The following KIF1A variants were observed in gnomAD, a reference collection of about 807,000 sequenced individuals.
The protein encoded by KIF1A is kinesin family member 1A, also known as kinesin-like protein KIF1A.
KIF1A carries 46 observed loss-of-function variants against 227.3 expected under a neutral mutation model. That is an observed-to-expected ratio of 0.20 (90% CI 0.16 to 0.26). The LOEUF is 0.26. Among genes scored for constraint, KIF1A ranks in the 10% least tolerant of loss-of-function variants. The pLI, the probability that KIF1A is intolerant of heterozygous loss-of-function variation, is 1.00. For missense variants in KIF1A, 1,683 were observed against 2,485.9 expected (o/e 0.68, Z 6.87); for synonymous variants, 1,022 against 1,012.8 (o/e 1.01, Z -0.17).
Position 240,745,885 on chromosome 2 carries a change from A to T in KIF1A, c.3227T>A (p.Leu1076Gln). 1.2e-6 allele frequency: 2 copies of T among 1,607,818 alleles called. No homozygotes were observed. The highest frequency in any genetic ancestry group is 1.7e-6 in the Non-Finnish European group (2 of 1,176,166). The change falls in exon 31 of 49, where the codon CTA becomes CAA. Residue 1076 changes from leucine to glutamine, a missense_variant. Coordinates refer to ENST00000498729, the MANE Select transcript of KIF1A (RefSeq NM_001244008.2). ...CSAVPPEGLL[L>Q]DSSEKAALDG... ...CAGGGCGGCTTTCTCAGAGCTGTCT[A>T]GGAGGAGGCCTTCTGGGGGCACTGC...
intron 1 of KIF1A, among the ~76,000 whole-genome samples, chr2:240,802,245 AT>A (rs2057039485): frequency 6.6e-6 from 1 of 152,214 alleles, no homozygotes; most frequent in African/African-American, 2.4e-5. Flanking sequence ...TTTATATTCG[AT>A]TGTCAAGGAT....
chr2:240,815,035 G>T (rs1007439695), intron 1 of KIF1A, among the ~76,000 whole-genome samples: 7 of 152,234 alleles, frequency 4.6e-5, no homozygotes, highest in African/African-American at 7.2e-5. Context: ...TGCTCCTCTG[G>T]TCTGCGCCTA....
chr2:240,756,578 C>T (rs1209241980), intron 27 of KIF1A, among the ~76,000 whole-genome samples: 1 of 152,260 alleles, frequency 6.6e-6, no homozygotes, highest in Non-Finnish European at 1.5e-5. Flanking sequence ...GGGCATTGGG[C>T]CACATGCCGC....
chr2:240,806,517 C>T (rs1299862312), intron 1 of KIF1A, among the ~76,000 whole-genome samples: 1 of 152,178 alleles, frequency 6.6e-6, no homozygotes, highest in Non-Finnish European at 1.5e-5. Context: ...CTAAACTATT[C>T]CTGCAGGTGG....
intron 45 of KIF1A, chr2:240,720,156 C>G: frequency 2.4e-6 from 1 of 422,514 alleles, no homozygotes; most frequent in South Asian, 5.9e-5. Context: ...CCCCCAGGAA[C>G]CTCGGGGCCC....
rs1398284239 is a variant in KIF1A, at chr2:240,725,497, C to T, written c.4123-93G>A. 1.1e-5 allele frequency: 16 copies of T among 1,423,282 alleles called. No individual in the cohort carries two copies. The highest frequency in any genetic ancestry group is 2.0e-4 in the Middle Eastern group (1 of 5,106). 88.2% of individuals were successfully genotyped at this position (1,423,282 alleles called of 1,614,324 possible). A position where few individuals can be genotyped will look rare whatever the true frequency, so the allele number is the denominator to read the frequency against. On this transcript the variant is annotated intron_variant, in intron 39 of 48. Transcript: ENST00000498729. The surrounding 1 kb of genome is among the most constrained non-coding windows in gnomAD (Gnocchi z 5.8). ...CTCCTGGGGGCACAATGCCCAGCACCGACAGGCAGCCCCAGGGCCTTCCCA... is the reference window on the plus strand; with the variant it reads ...CTCCTGGGGGCACAATGCCCAGCACTGACAGGCAGCCCCAGGGCCTTCCCA...
At chr2:240,723,688 TC>T in intron 41 of KIF1A, 130 bp from the exon 42 acceptor site, 1 of 1,139,538 alleles carries the variant, frequency 8.8e-7, no homozygotes, top group Non-Finnish European at 1.2e-6. Flanking sequence ...TGGTCCTTGG[TC>T]CACCCTGGGG....
chr2:240,775,906 T>A lies in KIF1A; in HGVS notation c.903A>T (p.Thr301=), dbSNP rs372053086. Residue 301 remains threonine (T), a synonymous_variant, in exon 11 of 49, where the codon ACA becomes ACT. Transcript: ENST00000498729. This position sits in a 1 kb window ranked among gnomAD's most constrained non-coding sequence, Gnocchi z 5.5. ...GPNKNKKKKK[T]DFIPYRDSVL... ...CGGAATCTCGGTACGGAATGAAATC[T>A]GTCTTCTTCTTTTTCTTGTTCTGTG... The A allele has an allele frequency of 1.9e-6, 3 of 1,611,062 alleles. No individual in the cohort carries two copies. The African/African-American group carries it at 4.0e-5, about 22-fold the overall frequency.
Position 240,716,415 on chromosome 2 carries a change from C to T in KIF1A, c.*949G>A, listed in dbSNP as rs1386598735. The T allele has an allele frequency of 6.6e-6, 1 of 152,416 alleles. No homozygotes were observed. Among genetic ancestry groups the T allele is most frequent in the Non-Finnish European group, 1.5e-5 (1 of 68,126 alleles). 9.4% of individuals were successfully genotyped at this position (152,416 alleles called of 1,614,324 possible). A position where few individuals can be genotyped will look rare whatever the true frequency, so the allele number is the denominator to read the frequency against. ...CTTCCCTGACTTCCTGGTCTCAACC[C>T]ACCACCCTACCCTGATGGTCCGGAG... On this transcript the variant is annotated 3_prime_UTR_variant, in exon 49 of 49. Transcript: ENST00000498729.
rs538168829 is a variant in KIF1A at position 240,814,218 on chromosome 2, C to T, written c.-61+5904G>A. 5.9e-5 allele frequency among the ~76,000 whole-genome samples: 9 copies of T among 152,074 alleles called. No homozygotes were observed. The East Asian group carries it at 9.7e-4, about 16-fold the overall frequency. Reference sequence around the variant, plus strand: ...AGGGCCCACCGAGTGCCAATAAATGCGAACCCCATCCTTACACCCGTCGAC... The same window carrying T: ...AGGGCCCACCGAGTGCCAATAAATGTGAACCCCATCCTTACACCCGTCGAC... On this transcript the variant is annotated intron_variant, in intron 1 of 48. Coordinates refer to ENST00000498729, the MANE Select transcript of KIF1A (RefSeq NM_001244008.2).
intron 6 of KIF1A, among the ~76,000 whole-genome samples, chr2:240,785,956 C>G (rs930895003): frequency 6.6e-6 from 1 of 152,176 alleles, no homozygotes; most frequent in Non-Finnish European, 1.5e-5. Flanking sequence ...GCACTGCAGC[C>G]GACCCTCCCC....
At chr2:240,813,525 A>G (rs1052731883) in intron 1 of KIF1A, among the ~76,000 whole-genome samples, 10 of 152,196 alleles carry the variant, frequency 6.6e-5, no homozygotes, top group African/African-American at 2.4e-4. Flanking sequence ...CCAGGTGAGC[A>G]GCTGAATGGC....
At chr2:240,731,633 G>A (rs2046614724) in intron 38 of KIF1A, among the ~76,000 whole-genome samples, 1 of 152,224 alleles carries the variant, frequency 6.6e-6, no homozygotes, top group Admixed American at 6.5e-5. Flanking sequence ...CTGACCGGGA[G>A]CTGCCTTTTC....
rs1204808907 is a variant in KIF1A, at chr2:240,792,280, G to C, written c.107-2968C>G. ...GAAAGGGCTTTTTTTGCCAGGGTCT[G>C]GAATTTTTTCCTTGTGCAGGTTTGA... On this transcript the variant is annotated intron_variant, in intron 2 of 48. Transcript: ENST00000498729. The surrounding 1 kb of genome is among the most constrained non-coding windows in gnomAD (Gnocchi z 4.5). 6.6e-6 allele frequency among the ~76,000 whole-genome samples: 1 copy of C among 152,076 alleles called. No individual in the cohort carries two copies. The highest frequency in any genetic ancestry group is 1.5e-5 in the Non-Finnish European group (1 of 68,002).
intron 18 of KIF1A, 40 bp from the exon 19 acceptor site, chr2:240,767,061 C>A (rs545538893): frequency 4.7e-6 from 7 of 1,491,458 alleles, no homozygotes; most frequent in African/African-American, 1.4e-5. Context: ...AGCTGGGACC[C>A]AATACACCCA....
At position 240,722,536 on chromosome 2, in the gene KIF1A, C is replaced by A. The variant is rs572923181; in HGVS notation, c.4585G>T (p.Ala1529Ser). 1.5e-5 allele frequency: 24 copies of A among 1,548,868 alleles called. No individual in the cohort carries two copies. The highest frequency in any genetic ancestry group is 1.4e-4 in the Admixed American group (7 of 51,048). Residue 1529 changes from alanine (A) to serine (S), a missense_variant, in exon 43 of 49, where the codon GCC (alanine) becomes TCC (serine). Ala to Ser is a moderately conservative substitution (Grantham distance 99). Around this residue, in one of 12 missense-constraint regions of KIF1A, gnomAD observed 384 missense variants for 410.1 expected, o/e 0.94. Transcript: ENST00000498729. The stretch of plus-strand genomic sequence containing the variant: ...CCCTCAGCCGAGAGCGGGGAGGAGG[C>A]GCTGGAGGAGCCATGGGACTCAGAG... ...EDSESHGSSS[A>S]SSPLSAEGRP...
At chr2:240,794,781 G>A (rs575190964) in intron 2 of KIF1A, among the ~76,000 whole-genome samples, 1 of 152,052 alleles carries the variant, frequency 6.6e-6, no homozygotes, top group South Asian at 2.2e-4. Context: ...GCCTGTCCCT[G>A]CCACCCTCAC....
intron 1 of KIF1A, among the ~76,000 whole-genome samples, chr2:240,804,001 C>T (rs1353476170): frequency 6.6e-6 from 1 of 152,172 alleles, no homozygotes; most frequent in Non-Finnish European, 1.5e-5. Context: ...GGCGTGGTAG[C>T]TCATGCCTGT....
intron 46 of KIF1A, 121 bp from the exon 47 acceptor site, chr2:240,719,319 G>A: frequency 8.6e-7 from 1 of 1,167,916 alleles, no homozygotes; most frequent in Non-Finnish European, 1.2e-6. Context: ...CAGCCAGAAA[G>A]TGGGTCGAGG....
Sources: gnomAD v4.1 joint callset for allele counts (sites outside exome capture counted in the v4.1 genomes callset) on GRCh38, gnomAD v4.1.1 for gene constraint, gnomAD v4.1.1 regional missense constraint, Gnocchi (gnomAD v3.1) non-coding constraint, MANE v1.5 for transcripts, NCBI Gene and HGNC (gene_info 2026-07-23, HGNC 2026-07-21) for gene names.